IPCEF1: variants seen among roughly 807,000 people sequenced by gnomAD.
IPCEF1 encodes interaction protein for cytohesin exchange factors 1.
Under a neutral mutation model 50.9 loss-of-function variants are expected in IPCEF1, and 31 were observed. The observed-to-expected ratio is 0.61, with a 90% confidence interval of 0.46 to 0.82. IPCEF1 has a LOEUF of 0.82. Ranked by LOEUF, IPCEF1 falls within the 40% of genes least tolerant of loss-of-function variation. The probability of loss-of-function intolerance (pLI) is 0.00; values close to 1 mark genes in which losing one functional copy is unlikely to be tolerated. For synonymous variants in IPCEF1, 181 were observed against 192.0 expected, an observed-to-expected ratio of 0.94 and a Z score of 0.47; for missense variants, 458 against 514.0, an observed-to-expected ratio of 0.89 and a Z score of 1.05.
At chr6:154,213,926 G>T (rs990697709) in intron 8 of IPCEF1, among the ~76,000 whole-genome samples, 2 of 152,204 alleles carry the variant, frequency 1.3e-5, no homozygotes, top group African/African-American at 4.8e-5. Context: ...AATTCCACAA[G>T]TGGAGCAATT....
At chr6:154,328,597 A>G (rs996083980) in intron 1 of IPCEF1, among the ~76,000 whole-genome samples, 9 of 152,084 alleles carry the variant, frequency 5.9e-5, no homozygotes, top group Non-Finnish European at 1.2e-4. Flanking sequence ...GAAAATTAAA[A>G]AAAAAAAAAT....
chr6:154,259,857 C>T (rs1186859751), intron 3 of IPCEF1, among the ~76,000 whole-genome samples: 1 of 152,020 alleles, frequency 6.6e-6, no homozygotes, highest in Non-Finnish European at 1.5e-5. Context: ...GTTTTTGACC[C>T]ATGTGAAGAG....
intron 11 of IPCEF1, among the ~76,000 whole-genome samples, chr6:154,166,185 G>A (rs1157161456): frequency 2.0e-5 from 3 of 152,228 alleles, no homozygotes; most frequent in African/African-American, 7.2e-5. Flanking sequence ...CTGGATAACC[G>A]ATACACTGAC....
chr6:154,261,853 A>G lies in IPCEF1; in HGVS notation c.36+4059T>C, dbSNP rs73569044. Among the ~76,000 whole-genome samples, 596 of 152,236 alleles carry G rather than the reference A, an allele frequency of 3.9e-3. 4 individuals are homozygous for G. Among genetic ancestry groups the G allele is most frequent in the African/African-American group, 0.014 (562 of 41,544 alleles). On this transcript the variant is annotated intron_variant, in intron 3 of 11. Coordinates refer to ENST00000367220, the MANE Select transcript of IPCEF1 (RefSeq NM_001130700.2). ...ACAAGATGGTATGCTCCTCATCTTT[A>G]TACCCCAGCACCAAGCAGTTTGTTC...
intron 1 of IPCEF1, among the ~76,000 whole-genome samples, chr6:154,296,349 T>C (rs1367145454): frequency 2.0e-5 from 3 of 152,156 alleles, no homozygotes; most frequent in Admixed American, 6.5e-5. Context: ...GGATCCACCG[T>C]TGCCTTCTCT....
chr6:154,239,203 T>C (rs6935927), intron 5 of IPCEF1, among the ~76,000 whole-genome samples: 65,079 of 151,980 alleles, frequency 0.43, 14,554 homozygotes, highest in Admixed American at 0.56. Context: ...GAAAATAATA[T>C]TGGCAACATG....
intron 5 of IPCEF1, among the ~76,000 whole-genome samples, chr6:154,242,759 C>T (rs933515207): frequency 1.3e-5 from 2 of 151,988 alleles, no homozygotes; most frequent in South Asian, 2.1e-4. Context: ...TGGTGGCGCA[C>T]ACCTGTAATC....
At chr6:154,178,347 G>A (rs1206950199) in intron 10 of IPCEF1, among the ~76,000 whole-genome samples, 1 of 151,998 alleles carries the variant, frequency 6.6e-6, no homozygotes, top group South Asian at 2.1e-4. Context: ...AATCAGTAAA[G>A]ATAAAAATAA....
chr6:154,163,588 C>G (rs985723643), intron 11 of IPCEF1, among the ~76,000 whole-genome samples: 2 of 152,112 alleles, frequency 1.3e-5, no homozygotes, highest in Non-Finnish European at 2.9e-5. Flanking sequence ...ATCTGACATG[C>G]CCAGTGCTAT....
At chr6:154,315,097 A>T (rs544807708) in intron 1 of IPCEF1, among the ~76,000 whole-genome samples, 86 of 152,144 alleles carry the variant, frequency 5.7e-4, no homozygotes, top group Admixed American at 4.7e-3. Context: ...TGGCCAGGCT[A>T]ATCTCGAACT....
intron 1 of IPCEF1, among the ~76,000 whole-genome samples, chr6:154,336,382 C>T (rs1352357626): frequency 1.3e-5 from 2 of 151,994 alleles, no homozygotes; most frequent in African/African-American, 4.8e-5. Flanking sequence ...ATGGATGGAA[C>T]CGAAGGTAAT....
chr6:154,293,087 A>T (rs1782553855), intron 1 of IPCEF1, among the ~76,000 whole-genome samples: 2 of 152,338 alleles, frequency 1.3e-5, no homozygotes, highest in East Asian at 1.9e-4. Flanking sequence ...TCACAATCGC[A>T]GTGCTGTTTA....
At chr6:154,257,984 T>A (rs760049274) in intron 3 of IPCEF1, among the ~76,000 whole-genome samples, 2 of 152,192 alleles carry the variant, frequency 1.3e-5, no homozygotes, top group Non-Finnish European at 2.9e-5. Flanking sequence ...ATTACAGGTG[T>A]GAGCCACCAT....
intron 3 of IPCEF1, 131 bp downstream of exon 3, chr6:154,265,781 T>C: frequency 1.5e-6 from 1 of 671,846 alleles, no homozygotes; most frequent in South Asian, 1.9e-5. Context: ...AGCAACAGTG[T>C]CTTTGGTTCT....
intron 1 of IPCEF1, among the ~76,000 whole-genome samples, chr6:154,319,918 A>G (rs1783331002): frequency 6.6e-6 from 1 of 152,210 alleles, no homozygotes; most frequent in South Asian, 2.1e-4. Flanking sequence ...TTTAAATCAC[A>G]ACATAAATAT....
At chr6:154,178,923 T>C (rs1395916533) in intron 10 of IPCEF1, among the ~76,000 whole-genome samples, 1 of 152,136 alleles carries the variant, frequency 6.6e-6, no homozygotes, top group Non-Finnish European at 1.5e-5. Context: ...AACAGTAAAA[T>C]AATAAATTCT....
intron 1 of IPCEF1, among the ~76,000 whole-genome samples, chr6:154,322,113 T>C (rs1041648245): frequency 2.0e-5 from 3 of 152,102 alleles, no homozygotes; most frequent in African/African-American, 7.2e-5. Flanking sequence ...CCTTAATAGA[T>C]GCCAAAAGTG....
At chr6:154,212,934 C>T (rs760710219) in intron 8 of IPCEF1, 79 bp from the exon 9 acceptor site, 1 of 964,824 alleles carries the variant, frequency 1.0e-6, no homozygotes, top group South Asian at 1.4e-5. Flanking sequence ...GGTTTATCTC[C>T]ATCTGGCTAT....
intron 3 of IPCEF1, among the ~76,000 whole-genome samples, chr6:154,249,885 A>C (rs1781293479): frequency 6.9e-6 from 1 of 144,030 alleles, no homozygotes; most frequent in Non-Finnish European, 1.5e-5. Context: ...CTCAAGCAGA[A>C]CAGGCACCCA....
Sources: allele counts gnomAD v4.1 joint callset (sites outside exome capture counted in the v4.1 genomes callset), GRCh38; gene constraint gnomAD v4.1.1; transcripts MANE v1.5; gene names NCBI Gene and HGNC (gene_info 2026-07-23, HGNC 2026-07-21).